RASEF: variants seen among roughly 807,000 people sequenced by gnomAD.
The protein encoded by RASEF is ras and EF-hand domain-containing protein.
In RASEF, 68 loss-of-function variants were observed where a neutral mutation model predicts 90.1. The observed-to-expected ratio is 0.75, with a 90% CI of 0.62 to 0.92. The LOEUF (loss-of-function observed/expected upper bound fraction) is 0.92, where lower values mean the gene tolerates loss of function less well. RASEF is among the 40% of genes least tolerant of loss of function. RASEF has a pLI of 0.00. For synonymous variants in RASEF, 331 were observed against 345.2 expected, an observed-to-expected ratio of 0.96 and a Z score of 0.46; for missense variants, 949 against 937.2, an observed-to-expected ratio of 1.01 and a Z score of -0.16.
intron 1 of RASEF, chr9:83,048,821 G>A: frequency 6.5e-6 from 6 of 925,458 alleles, no homozygotes; most frequent in Non-Finnish European, 7.7e-6. Flanking sequence ...TGATTAACAT[G>A]TAGACCTTAT....
intron 1 of RASEF, chr9:83,048,767 T>A: frequency 1.0e-6 from 1 of 980,556 alleles, no homozygotes. Context: ...CCGTCCTATA[T>A]AGTTCTTGAG....
chr9:83,161,679 G>A, the RASEF span, among the ~76,000 whole-genome samples: 6 of 97,254 alleles, frequency 6.2e-5, no homozygotes, highest in Admixed American at 4.2e-4. Flanking sequence ...ATTTGGGAGG[G>A]GACAGGGGCC....
chr9:83,196,778 T>C, the RASEF span, among the ~76,000 whole-genome samples: 9 of 152,284 alleles, frequency 5.9e-5, no homozygotes, highest in East Asian at 1.7e-3. Flanking sequence ...TCCCTAAATT[T>C]CCCCATCTTG....
chr9:83,076,253 ATC>A, the RASEF span, among the ~76,000 whole-genome samples: 1 of 152,194 alleles, frequency 6.6e-6, no homozygotes, highest in Non-Finnish European at 1.5e-5. Flanking sequence ...ATTCAAATAA[ATC>A]TCTCTTTACC....
the RASEF span, among the ~76,000 whole-genome samples, chr9:83,207,081 C>T: frequency 4.6e-3 from 693 of 152,260 alleles, 5 homozygotes; most frequent in African/African-American, 0.015. Flanking sequence ...GATCTTGCTC[C>T]GCACATGGAA....
At chr9:83,190,738 A>G in the RASEF span, among the ~76,000 whole-genome samples, 1 of 152,202 alleles carries the variant, frequency 6.6e-6, no homozygotes, top group African/African-American at 2.4e-5. Context: ...CCGATGATGT[A>G]CTTTAAAATC....
the RASEF span, among the ~76,000 whole-genome samples, chr9:83,115,132 C>T: frequency 6.6e-6 from 1 of 152,030 alleles, no homozygotes; most frequent in Admixed American, 6.5e-5. Flanking sequence ...TAGAAAAGAG[C>T]CTACGTGAAA....
At chr9:83,004,374 T>C (rs533754832) in intron 9 of RASEF, 124 bp downstream of exon 9, 1 of 585,894 alleles carries the variant, frequency 1.7e-6, no homozygotes, top group Non-Finnish European at 3.0e-6. Flanking sequence ...ACTTTTAACA[T>C]CATAGAAAAT....
the RASEF span, among the ~76,000 whole-genome samples, chr9:83,134,652 A>G: frequency 6.6e-6 from 1 of 152,168 alleles, no homozygotes; most frequent in South Asian, 2.1e-4. Flanking sequence ...AGCTACCTAC[A>G]ATGGGGTCAT....
chr9:83,150,011 G>T, the RASEF span, among the ~76,000 whole-genome samples: 1 of 152,148 alleles, frequency 6.6e-6, no homozygotes, highest in Non-Finnish European at 1.5e-5. Context: ...AAGTCCCCAG[G>T]TTACCCACAC....
At chr9:83,103,600 C>T in the RASEF span, among the ~76,000 whole-genome samples, 7,443 of 151,758 alleles carry the variant, frequency 0.049, 227 homozygotes, top group South Asian at 0.097. Context: ...TGAATGTTTG[C>T]ATAATAAAAA....
At chr9:83,048,691 G>A (rs1829977841) in intron 1 of RASEF, 3 of 985,262 alleles carry the variant, frequency 3.0e-6, no homozygotes, top group South Asian at 4.7e-5. Context: ...TTTCCATAGT[G>A]TTATGCCCTC....
chr9:83,114,498 T>C, the RASEF span, among the ~76,000 whole-genome samples: 1 of 152,218 alleles, frequency 6.6e-6, no homozygotes, highest in African/African-American at 2.4e-5. Context: ...CCTTAAACTC[T>C]GACTGCTGGT....
chr9:83,149,987 G>A, the RASEF span, among the ~76,000 whole-genome samples: 1 of 152,148 alleles, frequency 6.6e-6, no homozygotes, highest in Non-Finnish European at 1.5e-5. Flanking sequence ...TTTCAGACAC[G>A]ATTAGTGAGT....
rs1033998194 is a variant in RASEF at position 83,055,499 on chromosome 9, C to A, written c.431+6938G>T. The A allele has an allele frequency of 7.0e-5, 48 of 686,628 alleles. 2 individuals carry two copies. The highest frequency in any genetic ancestry group is 5.0e-4 in the African/African-American group (26 of 52,296). 42.5% of individuals were successfully genotyped at this position (686,628 alleles called of 1,614,324 possible). On this transcript the variant is annotated intron_variant, in intron 1 of 16. Coordinates refer to ENST00000376447, the MANE Select transcript of RASEF (RefSeq NM_152573.4). ...CTCAGATGGAAATGCAGAAATCACC[C>A]GTCTTCTGCGTCGCTCACGCTGGGA...
the RASEF span, among the ~76,000 whole-genome samples, chr9:83,092,753 G>C: frequency 1.3e-5 from 2 of 152,154 alleles, no homozygotes; most frequent in African/African-American, 4.8e-5. Context: ...CTGCTGATTG[G>C]TAGAGCCCAG....
At chr9:83,011,550 C>CAA (rs71363083) in intron 5 of RASEF, among the ~76,000 whole-genome samples, 520 of 28,092 alleles carry the variant, frequency 0.019, 121 homozygotes, top group Middle Eastern at 0.062. Context: ...GACTCCATCT[C>CAA]AAAAAAAAAA....
At chr9:83,040,282 G>A (rs1039876222) in intron 1 of RASEF, among the ~76,000 whole-genome samples, 2 of 152,136 alleles carry the variant, frequency 1.3e-5, no homozygotes, top group African/African-American at 2.4e-5. Context: ...AACATCAGCT[G>A]AATGGCTAAA....
the RASEF span, among the ~76,000 whole-genome samples, chr9:83,082,031 G>GTCAAAACAAA: frequency 3.3e-5 from 5 of 152,178 alleles, no homozygotes; most frequent in East Asian, 9.6e-4. Flanking sequence ...ACCAGGAAAT[G>GTCAAAACAAA]TAGCCTAGAC....
Sources: gnomAD v4.1 joint callset for allele counts (sites outside exome capture counted in the v4.1 genomes callset) on GRCh38, gnomAD v4.1.1 for gene constraint, MANE v1.5 for transcripts, NCBI Gene and HGNC (gene_info 2026-07-23, HGNC 2026-07-21) for gene names.